Variants in RPGR observed in about 807,000 individuals in gnomAD.
The protein encoded by RPGR is X-linked retinitis pigmentosa GTPase regulator.
A neutral mutation model predicts 56.3 loss-of-function variants in RPGR; 10 were observed. The observed-to-expected ratio is 0.18, with a 90% confidence interval of 0.11 to 0.30. The LOEUF (loss-of-function observed/expected upper bound fraction) is 0.30. Ranked by LOEUF, RPGR falls within the 10% of genes least tolerant of loss-of-function variation. The pLI, the probability that RPGR is intolerant of heterozygous loss-of-function variation, is 1.00. For synonymous variants in RPGR, 197 were observed against 212.9 expected (o/e 0.93, Z 0.65); for missense variants, 538 against 590.9 (o/e 0.91, Z 0.93).
chrX:38,319,023 A>G (rs1391673403), intron 4 of RPGR, 36 bp from the exon 5 acceptor site: 8 of 1,195,818 alleles, frequency 6.7e-6, no homozygotes, highest in Non-Finnish European at 6.8e-6. Context: ...TAGACTATAG[A>G]GTCCCCCTTT....
chrX:38,297,200 G>A, intron 11 of RPGR, 84 bp downstream of exon 11: 1 of 997,004 alleles, frequency 1.0e-6, no homozygotes, highest in Non-Finnish European at 1.4e-6. Flanking sequence ...TAAATAACTG[G>A]AGAAAACATC....
At chrX:38,284,855 A>T in intron 15 of RPGR, 1 of 751,904 alleles carries the variant, frequency 1.3e-6, no homozygotes. Context: ...AGTTTTACAT[A>T]TTTCCAGATT....
At chrX:38,311,099 G>A (rs1324256993) in intron 6 of RPGR, among the ~76,000 whole-genome samples, 1 of 112,062 alleles carries the variant, frequency 8.9e-6, no homozygotes, top group Admixed American at 9.4e-5. Context: ...TGCTCCCTAT[G>A]GTATCCCCAA....
At position 38,319,008 on chromosome X, in the gene RPGR, G is replaced by A. The variant is rs73471898; in HGVS notation, c.311-21C>T. 351 of 1,205,688 alleles carry A rather than the reference G, an allele frequency of 2.9e-4. 2 individuals are homozygous for A. In the African/African-American group the frequency reaches 5.0e-3, roughly 17 times the overall value. On this transcript the variant is annotated intron_variant, in intron 4 of 18. Coordinates refer to ENST00000642395, the MANE Select transcript of RPGR (RefSeq NM_000328.3). ...TCCTTCTGCACATGGAAAAGAAAAC[G>A]TCAATAGACTATAGAGTCCCCCTTT...
rs1259105441 is a variant in RPGR, at chrX:38,279,981, C to A, written c.1906-3209G>T. On this transcript the variant is annotated intron_variant, in intron 15 of 18. Transcript: ENST00000642395. The stretch of plus-strand genomic sequence containing the variant: ...ACTACACTGAAAATCATGGAAACAG[C>A]AGTATGGGGTGGGAAGGGCATTAAA... Among the ~76,000 whole-genome samples the A allele has an allele frequency of 2.7e-5, 3 of 110,257 alleles. No individual in the cohort carries two copies. In the East Asian group the frequency reaches 8.5e-4, roughly 31 times the overall value.
rs769175863 is a variant in RPGR, at chrX:38,318,925, C to T, written c.373G>A (p.Glu125Lys). The T allele has an allele frequency of 3.7e-5, 45 of 1,210,126 alleles. No homozygotes were observed. Among genetic ancestry groups the T allele is most frequent in the African/African-American group, 8.7e-5 (5 of 57,304 alleles). Residue 125 changes from glutamate (E) to lysine (K), a missense_variant, in exon 5 of 19, where the codon GAA (glutamate) becomes AAA (lysine). By Grantham distance (56) the Glu-to-Lys change is moderately conservative. Around this residue, in one of 2 missense-constraint regions of RPGR, gnomAD observed 181 missense variants for 265.1 expected, o/e 0.68. Transcript: ENST00000642395. ...ATTACATGAAAAGTGTTTCTTTCTT[C>T]GGTGTCACCAAGCCCCAACTGTCCT...
intron 13 of RPGR, among the ~76,000 whole-genome samples, chrX:38,290,285 T>C (rs1484096830): frequency 8.9e-6 from 1 of 111,800 alleles, no homozygotes; most frequent in Non-Finnish European, 1.9e-5. Flanking sequence ...CATTCATTCA[T>C]TGCACTAGTC....
intron 6 of RPGR, among the ~76,000 whole-genome samples, chrX:38,311,673 G>A (rs1477168812): frequency 9.0e-6 from 1 of 111,696 alleles, no homozygotes; most frequent in East Asian, 2.8e-4. Flanking sequence ...AACTATGCCA[G>A]ATTAGGTTTG....
chrX:38,293,000 T>C (rs994796667), intron 11 of RPGR, among the ~76,000 whole-genome samples: 2 of 111,931 alleles, frequency 1.8e-5, no homozygotes, highest in Non-Finnish European at 1.9e-5. Flanking sequence ...ATATGTTATA[T>C]TGACCCTACG....
At chrX:38,276,550 T>C (rs1472414124) in intron 16 of RPGR, 2 of 1,185,635 alleles carry the variant, frequency 1.7e-6, no homozygotes, top group African/African-American at 1.7e-5. Context: ...ATATGTTTTC[T>C]CCCAGGATCT....
chrX:38,326,084 C>T lies in RPGR; in HGVS notation c.28+1256G>A, dbSNP rs1399047324. 4.5e-5 allele frequency: 5 copies of T among 112,038 alleles called. No homozygotes were observed. The South Asian group carries it at 1.1e-3, about 25-fold the overall frequency. The allele number at this position is 112,038 out of a possible 1,213,427, so 9.2% of individuals were successfully genotyped here. ...AATAATTGAGTTGGGAGACTAGGAT[C>T]TAGAACAGACTCTGAGTTTCCCCAG... On this transcript the variant is annotated intron_variant, in intron 1 of 18. Coordinates refer to ENST00000642395, the MANE Select transcript of RPGR (RefSeq NM_000328.3).
rs138347728 is a variant in RPGR at position 38,287,904 on chromosome X, C to T, written c.1710G>A (p.Thr570=). 4.2e-4 allele frequency: 508 copies of T among 1,209,234 alleles called. 2 individuals carry two copies. The Middle Eastern group carries it at 4.6e-3, about 11-fold the overall frequency. ...ATGCTTCGATAGTCGTAGCTGGCTG[C>T]GTCATGAAAATCCCTTGTGACACAT... The change falls in exon 14 of 19, where the codon ACG becomes ACA. Residue 570 remains threonine (T), a synonymous_variant. Coordinates refer to ENST00000642395, the MANE Select transcript of RPGR (RefSeq NM_000328.3).
chrX:38,286,961 C>G, intron 15 of RPGR: 2 of 1,208,746 alleles, frequency 1.7e-6, no homozygotes, highest in South Asian at 1.8e-5. Context: ...CTACCCTTGT[C>G]TTTCTCCCCC....
At chrX:38,291,729 A>C (rs2067282632) in intron 11 of RPGR, among the ~76,000 whole-genome samples, 1 of 112,097 alleles carries the variant, frequency 8.9e-6, no homozygotes. Flanking sequence ...ATGAACAGGC[A>C]AACACTATTC....
chrX:38,274,711 A>G (rs1475244192), intron 17 of RPGR, among the ~76,000 whole-genome samples: 1 of 111,911 alleles, frequency 8.9e-6, no homozygotes, highest in East Asian at 2.8e-4. Context: ...GCTACTCGGG[A>G]GGCTGAGGCA....
At chrX:38,280,176 AT>A (rs2067006120) in intron 15 of RPGR, among the ~76,000 whole-genome samples, 1 of 111,678 alleles carries the variant, frequency 9.0e-6, no homozygotes, top group Non-Finnish European at 1.9e-5. Flanking sequence ...ACAGAGAAAA[AT>A]AACATGAGCA....
intron 10 of RPGR, chrX:38,298,518 G>A (rs1291769110): frequency 1.1e-5 from 3 of 262,099 alleles, no homozygotes; most frequent in African/African-American, 5.8e-5. Context: ...ACATAACATT[G>A]TGCCTATAGT....
intron 11 of RPGR, among the ~76,000 whole-genome samples, chrX:38,294,489 T>A (rs982513486): frequency 8.0e-5 from 9 of 111,905 alleles, no homozygotes; most frequent in Non-Finnish European, 1.5e-4. Context: ...AATACTGGGA[T>A]TATAGGCATA....
chrX:38,290,273 C>T (rs1179934972), intron 13 of RPGR, among the ~76,000 whole-genome samples: 2 of 111,674 alleles, frequency 1.8e-5, no homozygotes, highest in Admixed American at 1.9e-4. Context: ...CCTCTAATCC[C>T]TCATTCATTC....
Sources: gnomAD v4.1 joint callset for allele counts (sites outside exome capture counted in the v4.1 genomes callset) on GRCh38, gnomAD v4.1.1 for gene constraint, gnomAD v4.1.1 regional missense constraint, MANE v1.5 for transcripts, NCBI Gene and HGNC (gene_info 2026-07-23, HGNC 2026-07-21) for gene names.